The following SHF variants were observed in gnomAD, a reference collection of about 807,000 sequenced individuals.
SHF encodes the protein Src homology 2 domain containing F.
A neutral mutation model predicts 42.4 loss-of-function variants in SHF; 30 were observed. The observed-to-expected ratio is 0.71, with a 90% CI of 0.53 to 0.96. The LOEUF (loss-of-function observed/expected upper bound fraction) is 0.96. Among genes scored for constraint, SHF ranks in the 40% least tolerant of loss-of-function variants. The pLI, the probability that SHF is intolerant of heterozygous loss-of-function variation, is 0.00. For missense variants in SHF, 598 were observed against 634.0 expected, an observed-to-expected ratio of 0.94 and a Z score of 0.61; for synonymous variants, 264 against 269.9, an observed-to-expected ratio of 0.98 and a Z score of 0.21.
At position 45,173,735 on chromosome 15, in the gene SHF, G is replaced by A. The variant is rs895319052; in HGVS notation, c.848-19C>T. ...ATGTCAACTGGAGCCAGCAGCAGAA[G>A]TGAGAAGAGAGACAGACAGTGACAG... On this transcript the variant is annotated intron_variant, in intron 3 of 6. Transcript: ENST00000690270. The A allele has an allele frequency of 3.2e-6, 5 of 1,551,696 alleles. No individual in the cohort carries two copies. The highest frequency in any genetic ancestry group is 3.5e-6 in the Non-Finnish European group (4 of 1,146,920).
chr15:45,171,881 A>T lies in SHF; in HGVS notation c.1280+2T>A. The T allele has an allele frequency of 2.5e-6, 4 of 1,612,456 alleles. No individual in the cohort carries two copies. Among genetic ancestry groups the T allele is most frequent in the Non-Finnish European group, 3.4e-6 (4 of 1,179,398 alleles). ...CCTGAAACCACAACTGTCCCCACTC[A>T]CTTGAGGGAGAGGGAGAAGTCATTC... On this transcript the variant is annotated splice_donor_variant, in intron 6 of 6. Transcript: ENST00000690270. LOFTEE classifies it high-confidence loss of function.
At chr15:45,185,628 A>T (rs1159624539) in intron 1 of SHF, among the ~76,000 whole-genome samples, 1 of 152,222 alleles carries the variant, frequency 6.6e-6, no homozygotes, top group Non-Finnish European at 1.5e-5. Flanking sequence ...TAGCTGACAA[A>T]GGAGTCAGAC....
chr15:45,189,192 C>CAAAAAAAAAAAA (rs1166122506), upstream of SHF, among the ~76,000 whole-genome samples: 1 of 58,566 alleles, frequency 1.7e-5, no homozygotes, highest in Non-Finnish European at 3.4e-5. Context: ...GACTCCGTCT[C>CAAAAAAAAAAAA]AAAAAAAAAA....
intron 1 of SHF, among the ~76,000 whole-genome samples, chr15:45,186,607 C>T (rs1212706896): frequency 6.6e-6 from 1 of 152,226 alleles, no homozygotes; most frequent in Non-Finnish European, 1.5e-5. Flanking sequence ...TGGTGGATTT[C>T]CTGTTCTCCT....
At chr15:45,180,230 A>G (rs1033308995) in intron 1 of SHF, among the ~76,000 whole-genome samples, 2 of 152,160 alleles carry the variant, frequency 1.3e-5, no homozygotes, top group Non-Finnish European at 1.5e-5. Flanking sequence ...CTCCTTGATC[A>G]TCGCCTATCT....
At chr15:45,178,534 C>CTTTTT (rs3067019) in intron 1 of SHF, among the ~76,000 whole-genome samples, 5 of 126,592 alleles carry the variant, frequency 3.9e-5, no homozygotes, top group African/African-American at 6.0e-5. Context: ...TTCCTTCTTT[C>CTTTTT]TTTTTTTTTT....
intron 2 of SHF, among the ~76,000 whole-genome samples, chr15:45,195,083 C>T (rs757026040): frequency 5.9e-5 from 9 of 152,082 alleles, no homozygotes; most frequent in Non-Finnish European, 1.2e-4. Flanking sequence ...CCTCCTGCCT[C>T]GGCCTCCCAA....
intron 1 of SHF, among the ~76,000 whole-genome samples, chr15:45,187,198 G>C (rs115379967): frequency 6.6e-6 from 1 of 152,216 alleles, no homozygotes; most frequent in Non-Finnish European, 1.5e-5. Context: ...CAGCCCGGGA[G>C]GGGGAGGGTC....
intron 6 of SHF, among the ~76,000 whole-genome samples, chr15:45,169,184 C>G (rs890271786): frequency 6.6e-6 from 1 of 152,214 alleles, no homozygotes; most frequent in Non-Finnish European, 1.5e-5. Context: ...GTCCACCCCC[C>G]GGAGAAGTGA....
chr15:45,200,548 C>A (rs746434726), intron 1 of SHF: 13 of 365,878 alleles, frequency 3.6e-5, no homozygotes, highest in Non-Finnish European at 5.9e-5. Context: ...AAGCCCCGCC[C>A]CCTTGCAATG....
At chr15:45,174,090 G>T (rs1897668036) in intron 3 of SHF, 1 of 231,434 alleles carries the variant, frequency 4.3e-6, no homozygotes, top group South Asian at 5.3e-5. Flanking sequence ...CCACATCTGG[G>T]TTCCCATAGC....
chr15:45,188,042 AGGGGGC>A (rs1375325149), upstream of SHF: 5 of 185,946 alleles, frequency 2.7e-5, no homozygotes, highest in Non-Finnish European at 5.2e-5. Flanking sequence ...CCGGGCGGGG[AGGGGGC>A]GGGGCGCTTC....
chr15:45,180,127 C>T (rs1403948120), intron 1 of SHF, among the ~76,000 whole-genome samples: 6 of 152,180 alleles, frequency 3.9e-5, no homozygotes, highest in Admixed American at 2.6e-4. Context: ...CCAATTACCA[C>T]CACTGGACTA....
intron 2 of SHF, among the ~76,000 whole-genome samples, chr15:45,194,515 C>A (rs1898807623): frequency 6.6e-6 from 1 of 152,018 alleles, no homozygotes; most frequent in Admixed American, 6.6e-5. Context: ...CCACACCCAG[C>A]TAATTTTTGT....
chr15:45,196,190 C>G (rs892123441), intron 2 of SHF, among the ~76,000 whole-genome samples: 1 of 151,760 alleles, frequency 6.6e-6, no homozygotes, highest in Non-Finnish European at 1.5e-5. Context: ...CTCCGCCCCC[C>G]GGGTTCAAGC....
At chr15:45,197,671 C>T (rs1898908535) in intron 2 of SHF, among the ~76,000 whole-genome samples, 1 of 152,150 alleles carries the variant, frequency 6.6e-6, no homozygotes, top group Admixed American at 6.5e-5. Flanking sequence ...CCCCATCTCC[C>T]CAGCCTGGAG....
rs1897516699 is a variant in SHF at position 45,172,011 on chromosome 15, G to A, written c.1161-9C>T. On this transcript the variant is annotated splice_polypyrimidine_tract_variant and intron_variant, in intron 5 of 6. Coordinates refer to ENST00000690270, the MANE Select transcript of SHF (RefSeq NM_001394037.1). ...TGGCCCCGTGATACCAGCTAAGGATGAGAGAGAGGAAGGGGGGCATCTCTG... is the reference window on the plus strand; with the variant it reads ...TGGCCCCGTGATACCAGCTAAGGATAAGAGAGAGGAAGGGGGGCATCTCTG... 2 of 1,613,758 alleles carry A rather than the reference G, an allele frequency of 1.2e-6. No homozygotes were observed. The highest frequency in any genetic ancestry group is 2.2e-5 in the South Asian group (2 of 91,056).
chr15:45,181,717 A>T (rs935619954), intron 1 of SHF, among the ~76,000 whole-genome samples: 1 of 152,192 alleles, frequency 6.6e-6, no homozygotes, highest in Non-Finnish European at 1.5e-5. Flanking sequence ...CTCTCAGCAG[A>T]TCTACATCTG....
At chr15:45,168,699 C>A (rs1480287663) in intron 6 of SHF, among the ~76,000 whole-genome samples, 1 of 152,178 alleles carries the variant, frequency 6.6e-6, no homozygotes, top group Admixed American at 6.5e-5. Flanking sequence ...CAGCTGCCTC[C>A]TCCTGGGGAT....
Sources: gnomAD v4.1 joint callset for allele counts (sites outside exome capture counted in the v4.1 genomes callset) on GRCh38, gnomAD v4.1.1 for gene constraint, MANE v1.5 for transcripts, NCBI Gene and HGNC (gene_info 2026-07-23, HGNC 2026-07-21) for gene names.